The following CSMD1 variants were observed in gnomAD, a reference collection of about 807,000 sequenced individuals.
The protein encoded by CSMD1 is CUB and sushi domain-containing protein 1.
CSMD1 carries 213 observed loss-of-function variants against 417.5 expected under a neutral mutation model. That is an observed-to-expected ratio of 0.51 (90% CI 0.46 to 0.57). The LOEUF (loss-of-function observed/expected upper bound fraction) is 0.57. Ranked by LOEUF, CSMD1 falls within the 20% of genes least tolerant of loss-of-function variation. The probability of loss-of-function intolerance (pLI) is 0.00; values close to 1 mark genes in which losing one functional copy is unlikely to be tolerated. For missense variants in CSMD1, 6,923 were observed against 4,529.7 expected (o/e 1.53, Z -15.17); for synonymous variants, 2,862 against 1,736.8 (o/e 1.65, Z -16.11).
At chr8:4,773,887 G>T (rs79681206) in intron 1 of CSMD1, among the ~76,000 whole-genome samples, 1,594 of 152,208 alleles carry the variant, frequency 0.01, 12 homozygotes, top group East Asian at 0.056. Flanking sequence ...TATTAAATAC[G>T]CTTTCTAACA....
At chr8:3,670,501 C>CAG in intron 7 of CSMD1, among the ~76,000 whole-genome samples, 1 of 125,140 alleles carries the variant, frequency 8.0e-6, no homozygotes, top group South Asian at 2.5e-4. Context: ...ATATATATCC[C>CAG]ATATATATAT....
At chr8:4,583,213 G>A (rs570855231) in intron 2 of CSMD1, among the ~76,000 whole-genome samples, 137 of 152,292 alleles carry the variant, frequency 9.0e-4, no homozygotes, top group African/African-American at 3.2e-3. Flanking sequence ...GAGGAATGCG[G>A]GCACACGGCA....
intron 33 of CSMD1, among the ~76,000 whole-genome samples, chr8:3,196,077 A>G (rs1796687540): frequency 6.6e-6 from 1 of 152,192 alleles, no homozygotes; most frequent in Non-Finnish European, 1.5e-5. Context: ...GCCGTAAAGA[A>G]GCCGGCCCAA....
At chr8:3,351,308 G>T (rs1239184089) in intron 21 of CSMD1, among the ~76,000 whole-genome samples, 2 of 151,994 alleles carry the variant, frequency 1.3e-5, no homozygotes, top group Admixed American at 1.3e-4. Flanking sequence ...GTATTAAATT[G>T]CTATGAAAGT....
chr8:3,944,299 G>A (rs1402930783), intron 5 of CSMD1, among the ~76,000 whole-genome samples: 5 of 152,078 alleles, frequency 3.3e-5, no homozygotes, highest in African/African-American at 1.2e-4. Flanking sequence ...GTCAGTTTGA[G>A]CCCCGGATAA....
intron 2 of CSMD1, among the ~76,000 whole-genome samples, chr8:4,607,067 A>T (rs1800914441): frequency 6.6e-6 from 1 of 152,140 alleles, no homozygotes; most frequent in Admixed American, 6.5e-5. Flanking sequence ...TATTATTTTT[A>T]TTCATTCATA....
At chr8:4,492,718 T>C (rs1462079542) in intron 2 of CSMD1, among the ~76,000 whole-genome samples, 2 of 152,188 alleles carry the variant, frequency 1.3e-5, no homozygotes, top group Non-Finnish European at 2.9e-5. Context: ...TGTAGACCCA[T>C]GGAAACTGAC....
chr8:4,181,303 G>A (rs1029588372), intron 3 of CSMD1, among the ~76,000 whole-genome samples: 6 of 152,114 alleles, frequency 3.9e-5, no homozygotes, highest in Admixed American at 2.6e-4. Flanking sequence ...AAACAATAAT[G>A]ATTTATGACA....
chr8:4,692,634 C>T (rs1041263971), intron 1 of CSMD1, among the ~76,000 whole-genome samples: 1 of 152,158 alleles, frequency 6.6e-6, no homozygotes, highest in African/African-American at 2.4e-5. Flanking sequence ...CGTGAGGCTG[C>T]AGCAGACAAG....
rs751633495 is a variant in CSMD1 at position 3,409,506 on chromosome 8, G to T, written c.1661C>A (p.Pro554Gln). The change falls in exon 13 of 70, where the codon CCG becomes CAG. Residue 554 changes from proline (P) to glutamine (Q), a missense_variant. Transcript: ENST00000635120. ...LHGDTLTFEC[P>Q]AAFELVGERV... Reference sequence around the variant, plus strand: ...CTCCCCCACCAGCTCAAAGGCCGCCGGGCATTCAAAGGTGAGTGTATCTCC... The same window carrying T: ...CTCCCCCACCAGCTCAAAGGCCGCCTGGCATTCAAAGGTGAGTGTATCTCC... 1 of 1,610,902 alleles carries T rather than the reference G, an allele frequency of 6.2e-7. No individual in the cohort carries two copies. Among genetic ancestry groups the T allele is most frequent in the Admixed American group, 1.7e-5 (1 of 59,620 alleles).
chr8:4,429,330 G>C (rs1797739443), intron 2 of CSMD1, among the ~76,000 whole-genome samples: 1 of 151,844 alleles, frequency 6.6e-6, no homozygotes, highest in Non-Finnish European at 1.5e-5. Flanking sequence ...AGCTTTACAT[G>C]TGTATATGTG....
chr8:3,893,240 CT>C (rs1295234698), intron 5 of CSMD1, among the ~76,000 whole-genome samples: 10 of 149,184 alleles, frequency 6.7e-5, no homozygotes, highest in Middle Eastern at 3.6e-3. Flanking sequence ...ATTTTTTCTT[CT>C]TCTTATATTT....
chr8:3,847,450 C>G (rs114408830), intron 5 of CSMD1, among the ~76,000 whole-genome samples: 1 of 152,060 alleles, frequency 6.6e-6, no homozygotes, highest in African/African-American at 2.4e-5. Flanking sequence ...TTTTGGGGTC[C>G]TGAGCATCTC....
At chr8:3,306,765 ATTACCTT>A (rs1293287139) in intron 25 of CSMD1, among the ~76,000 whole-genome samples, 3 of 152,168 alleles carry the variant, frequency 2.0e-5, no homozygotes, top group African/African-American at 7.2e-5. Context: ...TGATTTTAAA[ATTACCTT>A]TTGCCTTATG....
intron 3 of CSMD1, among the ~76,000 whole-genome samples, chr8:4,227,278 T>C (rs1054210402): frequency 2.0e-5 from 3 of 152,094 alleles, no homozygotes; most frequent in Non-Finnish European, 4.4e-5. Flanking sequence ...GGCGACCACA[T>C]ATCCCCTCGG....
chr8:3,072,894 G>T (rs1404261972), intron 49 of CSMD1, among the ~76,000 whole-genome samples: 1 of 152,064 alleles, frequency 6.6e-6, no homozygotes, highest in Non-Finnish European at 1.5e-5. Context: ...TCAGAGTAAT[G>T]CAAAACCCAG....
At chr8:4,973,509 T>C (rs373258876) in intron 1 of CSMD1, among the ~76,000 whole-genome samples, 1 of 152,204 alleles carries the variant, frequency 6.6e-6, no homozygotes, top group East Asian at 1.9e-4. Context: ...AGAAACTTTG[T>C]TGAATTCTAT....
chr8:3,103,965 A>G (rs1049640763), intron 46 of CSMD1, among the ~76,000 whole-genome samples: 2 of 148,820 alleles, frequency 1.3e-5, no homozygotes, highest in African/African-American at 5.0e-5. Context: ...GTGGTCTTGA[A>G]CTCCTAACCT....
rs534962907 is a variant in CSMD1 at position 3,716,439 on chromosome 8, C to T, written c.932-7948G>A. Among the ~76,000 whole-genome samples the T allele has an allele frequency of 5.3e-5, 8 of 152,292 alleles. No homozygotes were observed. In the East Asian group the frequency reaches 1.4e-3, roughly 26 times the overall value. ...TATGCTAAACAAGGGGTGGATTATT[C>T]ATGCCTCCCTTTTTTAGACCATATA... On this transcript the variant is annotated intron_variant, in intron 6 of 69. Coordinates refer to ENST00000635120, the MANE Select transcript of CSMD1 (RefSeq NM_033225.6).
Sources: allele counts gnomAD v4.1 joint callset (sites outside exome capture counted in the v4.1 genomes callset), GRCh38; gene constraint gnomAD v4.1.1; transcripts MANE v1.5; gene names NCBI Gene and HGNC (gene_info 2026-07-23, HGNC 2026-07-21).